Variants in XKR6 observed in about 807,000 individuals in gnomAD.
XKR6 encodes XK related 6.
XKR6 carries 22 observed loss-of-function variants against 56.7 expected under a neutral mutation model. That is an observed-to-expected ratio of 0.39 (90% CI 0.28 to 0.55). The LOEUF is 0.55. Ranked by LOEUF, XKR6 falls within the 20% of genes least tolerant of loss-of-function variation. The pLI, the probability that XKR6 is intolerant of heterozygous loss-of-function variation, is 0.66. For synonymous variants in XKR6, 524 were observed against 387.8 expected (o/e 1.35, Z -4.13); for missense variants, 852 against 889.0 (o/e 0.96, Z 0.53).
chr8:10,973,561 T>TTCTTTCTCTCTTTCTC (rs577856057), intron 1 of XKR6, among the ~76,000 whole-genome samples: 127 of 152,276 alleles, frequency 8.3e-4, no homozygotes, highest in Middle Eastern at 3.4e-3. Flanking sequence ...TGATCTTTCT[T>TTCTTTCTCTCTTTCTC]TCTTTCTCTC....
intron 1 of XKR6, among the ~76,000 whole-genome samples, chr8:10,984,730 C>CGCTATATATATATA (rs1797817908): frequency 1.3e-4 from 8 of 63,674 alleles, no homozygotes; most frequent in Non-Finnish European, 2.7e-4. Context: ...CTCTCTCTCT[C>CGCTATATATATATA]TCTATATATA....
intron 1 of XKR6, among the ~76,000 whole-genome samples, chr8:11,067,493 TA>T (rs1385879313): frequency 4.6e-5 from 7 of 152,254 alleles, no homozygotes; most frequent in African/African-American, 1.7e-4. Flanking sequence ...TCTAAATTAG[TA>T]AAATATTTTG....
intron 1 of XKR6, among the ~76,000 whole-genome samples, chr8:11,103,618 A>G (rs768029772): frequency 6.6e-6 from 1 of 152,160 alleles, no homozygotes. Context: ...CCATTCAAGT[A>G]GTAAAGAAAA....
chr8:11,043,265 T>C (rs1288797668), intron 1 of XKR6, among the ~76,000 whole-genome samples: 1 of 151,320 alleles, frequency 6.6e-6, no homozygotes, highest in Admixed American at 6.6e-5. Context: ...ACTCAAACAC[T>C]GGTGAGGATG....
chr8:11,076,808 CT>C (rs1800286261), intron 1 of XKR6, among the ~76,000 whole-genome samples: 1 of 152,196 alleles, frequency 6.6e-6, no homozygotes, highest in Non-Finnish European at 1.5e-5. Flanking sequence ...CCCGTGCCCA[CT>C]GCTACCTTGA....
At chr8:11,092,275 A>G (rs1446014808) in intron 1 of XKR6, among the ~76,000 whole-genome samples, 2 of 152,210 alleles carry the variant, frequency 1.3e-5, no homozygotes, top group African/African-American at 4.8e-5. Flanking sequence ...TTGTGCACGC[A>G]CACACACACA....
chr8:11,179,713 T>C (rs1339838997), intron 1 of XKR6, among the ~76,000 whole-genome samples: 1 of 152,150 alleles, frequency 6.6e-6, no homozygotes, highest in Non-Finnish European at 1.5e-5. Context: ...TTTCACACTG[T>C]TTGTTCACCC....
At chr8:10,914,425 G>A (rs1403263428) in intron 2 of XKR6, among the ~76,000 whole-genome samples, 1 of 152,154 alleles carries the variant, frequency 6.6e-6, no homozygotes, top group African/African-American at 2.4e-5. Flanking sequence ...AAGATCTTTT[G>A]GAGATCATTT....
chr8:10,997,872 G>T (rs936255971), intron 1 of XKR6, among the ~76,000 whole-genome samples: 1 of 152,174 alleles, frequency 6.6e-6, no homozygotes, highest in African/African-American at 2.4e-5. Context: ...GGGTCAGAGG[G>T]GGAAGGCAAG....
At chr8:11,192,826 T>C (rs901103938) in intron 1 of XKR6, among the ~76,000 whole-genome samples, 5 of 152,146 alleles carry the variant, frequency 3.3e-5, no homozygotes, top group African/African-American at 7.2e-5. Context: ...CACAGGAGTC[T>C]CTGCCACACT....
rs1007608402 is a variant in XKR6 at position 11,200,403 on chromosome 8, C to A, written c.764+173G>T. ...CGGCCTCCCCGGGCCAAAGGCGTGGCCAGGGATCCAGATCAAACGCCGGTC... is the reference window on the plus strand; with the variant it reads ...CGGCCTCCCCGGGCCAAAGGCGTGGACAGGGATCCAGATCAAACGCCGGTC... On this transcript the variant is annotated intron_variant, in intron 1 of 2. Coordinates refer to ENST00000416569, the MANE Select transcript of XKR6 (RefSeq NM_173683.4). This position sits in a 1 kb window ranked among gnomAD's most constrained non-coding sequence, Gnocchi z 6.4. 2.6e-5 allele frequency among the ~76,000 whole-genome samples: 4 copies of A among 152,200 alleles called. No individual in the cohort carries two copies. Among genetic ancestry groups the A allele is most frequent in the Admixed American group, 6.5e-5 (1 of 15,292 alleles).
chr8:10,937,945 G>C (rs572894386), intron 1 of XKR6, among the ~76,000 whole-genome samples: 12 of 151,130 alleles, frequency 7.9e-5, no homozygotes, highest in East Asian at 1.9e-4. Flanking sequence ...CGAGCTTCCC[G>C]GCTGCTTTGT....
chr8:11,108,538 G>A, intron 1 of XKR6: 1 of 359,978 alleles, frequency 2.8e-6, no homozygotes, highest in Middle Eastern at 9.8e-4. Context: ...TTGCCTAGGA[G>A]GACTGTGGCT....
intron 1 of XKR6, chr8:11,128,732 AT>A: frequency 2.4e-6 from 1 of 416,352 alleles, no homozygotes; most frequent in East Asian, 7.1e-5. Flanking sequence ...CCCATTAAAA[AT>A]CTTCACATCA....
intron 1 of XKR6, among the ~76,000 whole-genome samples, chr8:10,960,280 C>A (rs1287671422): frequency 6.6e-6 from 1 of 151,934 alleles, no homozygotes; most frequent in Non-Finnish European, 1.5e-5. Flanking sequence ...GCAGGTATAG[C>A]AGGTGGGTCA....
chr8:11,165,878 C>A (rs994210680), intron 1 of XKR6, among the ~76,000 whole-genome samples: 1 of 151,762 alleles, frequency 6.6e-6, no homozygotes, highest in Non-Finnish European at 1.5e-5. Flanking sequence ...CATGAAGGAA[C>A]CATAAGTTCT....
rs1176002840 is a variant in XKR6 at position 10,984,728 on chromosome 8, C to CTA, written c.765-59899_765-59898insTA. 9.0e-3 allele frequency among the ~76,000 whole-genome samples: 600 copies of CTA among 66,764 alleles called. 1 individual carries two copies. The highest frequency in any genetic ancestry group is 0.013 in the Non-Finnish European group (397 of 30,568). The allele number at this position is 66,764 out of a possible 152,430, so 43.8% of individuals were successfully genotyped here. A position where few individuals can be genotyped will look rare whatever the true frequency, so the allele number is the denominator to read the frequency against. On this transcript the variant is annotated intron_variant, in intron 1 of 2. Transcript: ENST00000416569. ...TCTCTCTCTCTCTCTCTCTCTCTCTCTCTCTATATATATATATATATATAT... is the reference window on the plus strand; with the variant it reads ...TCTCTCTCTCTCTCTCTCTCTCTCTCTATCTCTATATATATATATATATATAT...
intron 1 of XKR6, among the ~76,000 whole-genome samples, chr8:10,948,041 G>A (rs1312677665): frequency 6.6e-6 from 1 of 152,144 alleles, no homozygotes; most frequent in Non-Finnish European, 1.5e-5. Context: ...GGTGACTGCA[G>A]AACAGCCACC....
At chr8:11,052,275 C>G (rs368260350) in intron 1 of XKR6, among the ~76,000 whole-genome samples, 199 of 152,298 alleles carry the variant, frequency 1.3e-3, no homozygotes, top group African/African-American at 4.6e-3. Context: ...TCAGAGGGGC[C>G]TCCCTTGACT....
Sources: allele counts gnomAD v4.1 joint callset (sites outside exome capture counted in the v4.1 genomes callset), GRCh38; gene constraint gnomAD v4.1.1; non-coding constraint Gnocchi (gnomAD v3.1); transcripts MANE v1.5; gene names NCBI Gene and HGNC (gene_info 2026-07-23, HGNC 2026-07-21).